Variants in ITPR1 observed in about 807,000 individuals in gnomAD.
ITPR1 encodes the protein inositol 1,4,5-trisphosphate-gated calcium channel ITPR1.
ITPR1 carries 96 observed loss-of-function variants against 318.4 expected under a neutral mutation model. That is an observed-to-expected ratio of 0.30 (90% CI 0.26 to 0.36). The LOEUF is 0.36. Ranked by LOEUF, ITPR1 falls within the 10% of genes least tolerant of loss-of-function variation. The pLI, the probability that ITPR1 is intolerant of heterozygous loss-of-function variation, is 1.00. For synonymous variants in ITPR1, 1,312 were observed against 1,289.9 expected (o/e 1.02, Z -0.37); for missense variants, 2,440 against 3,460.2 (o/e 0.71, Z 7.40).
At chr3:4,647,910 G>C (rs1448124619) in intron 10 of ITPR1, among the ~76,000 whole-genome samples, 1 of 152,220 alleles carries the variant, frequency 6.6e-6, no homozygotes, top group Non-Finnish European at 1.5e-5. Flanking sequence ...CCAGCACTTT[G>C]GGAGGCCAAG....
chr3:4,611,532 CCTGGGTGACAGAGCGAGA>C (rs1260500407), intron 4 of ITPR1, among the ~76,000 whole-genome samples: 1 of 148,758 alleles, frequency 6.7e-6, no homozygotes, highest in Non-Finnish European at 1.5e-5. Flanking sequence ...TGTACGCCAG[CCTGGGTGACAGAGCGAGA>C]CTCTCTCTCA....
In ITPR1 at chr3:4,674,113, G is replaced by A; in HGVS notation, c.2457-89G>A. The A allele has an allele frequency of 3.0e-6, 3 of 996,378 alleles. No individual in the cohort carries two copies. The South Asian group carries it at 4.6e-5, about 15-fold the overall frequency. 61.7% of individuals were successfully genotyped at this position (996,378 alleles called of 1,614,324 possible). ...GGTCAAGGGATGCCAAGGGTTAGGG[G>A]ATGTTGACTTTTGAAGCTGAGTGAC... On this transcript the variant is annotated intron_variant, in intron 21 of 61. Coordinates refer to ENST00000649015, the MANE Select transcript of ITPR1 (RefSeq NM_001378452.1).
intron 34 of ITPR1, among the ~76,000 whole-genome samples, chr3:4,698,685 C>G (rs765817892): frequency 1.3e-5 from 2 of 152,258 alleles, no homozygotes. Flanking sequence ...CTTAGAAATG[C>G]TGTAAAATCA....
At chr3:4,581,241 C>T (rs1296800676) in intron 4 of ITPR1, among the ~76,000 whole-genome samples, 1 of 152,204 alleles carries the variant, frequency 6.6e-6, no homozygotes, top group Admixed American at 6.5e-5. Context: ...AAGGTCAGCA[C>T]CTTCTGTGCT....
chr3:4,764,214 C>G (rs1217084922), intron 44 of ITPR1, among the ~76,000 whole-genome samples: 1 of 152,188 alleles, frequency 6.6e-6, no homozygotes, highest in Non-Finnish European at 1.5e-5. Context: ...TTCAAGAGCT[C>G]TCAAAGAAGT....
At chr3:4,707,115 G>C (rs1179997230) in intron 37 of ITPR1, among the ~76,000 whole-genome samples, 2 of 152,222 alleles carry the variant, frequency 1.3e-5, no homozygotes, top group Non-Finnish European at 2.9e-5. Flanking sequence ...CGGTCCTTCA[G>C]ATTCCTAGTC....
chr3:4,776,398 C>T (rs1461208958), intron 47 of ITPR1, among the ~76,000 whole-genome samples: 1 of 152,170 alleles, frequency 6.6e-6, no homozygotes, highest in Non-Finnish European at 1.5e-5. Flanking sequence ...CAAATTATAG[C>T]TTCATCCTAA....
chr3:4,840,832 G>A (rs1478865929), intron 61 of ITPR1, among the ~76,000 whole-genome samples: 1 of 152,164 alleles, frequency 6.6e-6, no homozygotes, highest in Non-Finnish European at 1.5e-5. Flanking sequence ...TCTTTTGCAT[G>A]TTTTCTTCAT....
At chr3:4,822,224 A>C (rs1219844272) in intron 60 of ITPR1, among the ~76,000 whole-genome samples, 2 of 152,314 alleles carry the variant, frequency 1.3e-5, no homozygotes, top group African/African-American at 4.8e-5. Context: ...GGGAGGGAGC[A>C]GGCGAAAGAG....
chr3:4,734,081 C>T (rs548208549), intron 43 of ITPR1, among the ~76,000 whole-genome samples: 6 of 152,210 alleles, frequency 3.9e-5, no homozygotes, highest in Non-Finnish European at 8.8e-5. Context: ...GAAGCCTGGA[C>T]TTCTCACTAA....
Position 4,612,010 on chromosome 3 carries a change from C to A in ITPR1, c.164-15753C>A, listed in dbSNP as rs139865363. ...AAACCACCTCCCCCAAATAGTAATA[C>A]AACAATTAAAAATAATACAAATAAA... On this transcript the variant is annotated intron_variant, in intron 4 of 61. Coordinates refer to ENST00000649015, the MANE Select transcript of ITPR1 (RefSeq NM_001378452.1). Among the ~76,000 whole-genome samples the A allele has an allele frequency of 3.8e-3, 563 of 149,216 alleles. 6 individuals carry two copies. Among genetic ancestry groups the A allele is most frequent in the African/African-American group, 0.013 (542 of 40,638 alleles).
At chr3:4,744,356 A>G (rs1866999) in intron 44 of ITPR1, among the ~76,000 whole-genome samples, 65,386 of 152,046 alleles carry the variant, frequency 0.43, 15,177 homozygotes, top group East Asian at 0.93. Context: ...TGCTCTTCCT[A>G]ACTTTCTTTA....
intron 12 of ITPR1, among the ~76,000 whole-genome samples, chr3:4,656,175 G>A (rs975980172): frequency 3.3e-5 from 5 of 152,142 alleles, no homozygotes; most frequent in Non-Finnish European, 5.9e-5. Flanking sequence ...GGTGGCAAGC[G>A]CCGACTGCAC....
chr3:4,727,785 A>G (rs943855648), intron 42 of ITPR1, among the ~76,000 whole-genome samples: 1 of 152,176 alleles, frequency 6.6e-6, no homozygotes, highest in Non-Finnish European at 1.5e-5. Context: ...TATGTTTCCC[A>G]GGCGGGTCTC....
At position 4,818,107 on chromosome 3, in the gene ITPR1, C is replaced by T; in HGVS notation, c.7893C>T (p.Asn2631=). 3 of 1,603,544 alleles carry T rather than the reference C, an allele frequency of 1.9e-6. No individual in the cohort carries two copies. Among genetic ancestry groups the T allele is most frequent in the Non-Finnish European group, 2.6e-6 (3 of 1,172,294 alleles). The part of the protein sequence containing the change: ...ICGLERDKFD[N]KTVTFEEHIK... ...GCTTGGAAAGAGACAAGTTTGACAA[C>T]AAGACTGTCACCTTTGAAGAGCACA... is the stretch of plus-strand genomic sequence containing the variant. The change falls in exon 60 of 62, where the codon AAC becomes AAT. Residue 2631 remains asparagine, a synonymous_variant. Coordinates refer to ENST00000649015, the MANE Select transcript of ITPR1 (RefSeq NM_001378452.1).
chr3:4,764,756 C>T (rs1484725284), intron 44 of ITPR1, among the ~76,000 whole-genome samples: 2 of 152,186 alleles, frequency 1.3e-5, no homozygotes, highest in Non-Finnish European at 2.9e-5. Flanking sequence ...CAGCAGCCTC[C>T]TGGGTCACTT....
intron 4 of ITPR1, among the ~76,000 whole-genome samples, chr3:4,570,307 A>G (rs1263782412): frequency 6.6e-6 from 1 of 152,250 alleles, no homozygotes; most frequent in Non-Finnish European, 1.5e-5. Flanking sequence ...TGTGTTAAAA[A>G]TGTCTTATAA....
intron 16 of ITPR1, among the ~76,000 whole-genome samples, chr3:4,663,441 G>A (rs1402661915): frequency 6.6e-6 from 1 of 152,150 alleles, no homozygotes; most frequent in African/African-American, 2.4e-5. Context: ...ATCATTGAGG[G>A]ATATTGGTGA....
intron 56 of ITPR1, among the ~76,000 whole-genome samples, chr3:4,812,142 G>T (rs1236313523): frequency 6.6e-6 from 1 of 150,890 alleles, no homozygotes; most frequent in Non-Finnish European, 1.5e-5. Flanking sequence ...CCGAGCTCAA[G>T]CAATCCTCCC....
Sources: allele counts gnomAD v4.1 joint callset (sites outside exome capture counted in the v4.1 genomes callset), GRCh38; gene constraint gnomAD v4.1.1; transcripts MANE v1.5; gene names NCBI Gene and HGNC (gene_info 2026-07-23, HGNC 2026-07-21).